LYZL4: variants seen among roughly 807,000 people sequenced by gnomAD.
LYZL4 encodes the protein lysozyme like 4.
A neutral mutation model predicts 17.6 loss-of-function variants in LYZL4; 13 were observed. The observed-to-expected ratio is 0.74, with a 90% CI of 0.48 to 1.18. The LOEUF is 1.18. LYZL4 is among the 50% of genes most tolerant of loss of function. LYZL4 has a pLI of 0.00. For synonymous variants in LYZL4, 64 were observed against 67.7 expected (o/e 0.95, Z 0.27); for missense variants, 174 against 188.2 (o/e 0.92, Z 0.44).
downstream of LYZL4, among the ~76,000 whole-genome samples, chr3:42,394,871 T>C (rs539308462): frequency 2.0e-5 from 3 of 152,316 alleles, no homozygotes; most frequent in East Asian, 5.8e-4. Flanking sequence ...GAGGAGATAG[T>C]GTTTTCATCA....
the LYZL4 span, among the ~76,000 whole-genome samples, chr3:42,367,077 A>C: frequency 6.6e-6 from 1 of 152,216 alleles, no homozygotes; most frequent in Non-Finnish European, 1.5e-5. Context: ...CATGGGGATC[A>C]GCTCCTTCTA....
At chr3:42,391,715 G>A in the LYZL4 span, among the ~76,000 whole-genome samples, 1 of 152,120 alleles carries the variant, frequency 6.6e-6, no homozygotes, top group Admixed American at 6.5e-5. Flanking sequence ...GAGAGAGATT[G>A]TTTTAAGTGG....
Position 42,410,597 on chromosome 3 carries a change from T to C in LYZL4, c.-273A>G, listed in dbSNP as rs1220395126. On this transcript the variant is annotated 5_prime_UTR_variant, in exon 1 of 5. The change abolishes an upstream ATG in the 5' untranslated region. Transcript: ENST00000287748. ...CTTGTCTGCACCCAAGAGTTCTCCA[T>C]GACATGCTCTTCTAGAATCCTTTCT... 1 of 152,232 alleles carries C rather than the reference T, an allele frequency of 6.6e-6. No individual in the cohort carries two copies. The highest frequency in any genetic ancestry group is 1.5e-5 in the Non-Finnish European group (1 of 68,036). 9.4% of individuals were successfully genotyped at this position (152,232 alleles called of 1,614,324 possible). A position where few individuals can be genotyped will look rare whatever the true frequency, so the allele number is the denominator to read the frequency against.
the LYZL4 span, among the ~76,000 whole-genome samples, chr3:42,378,209 C>T: frequency 6.6e-6 from 1 of 152,142 alleles, no homozygotes; most frequent in Non-Finnish European, 1.5e-5. Context: ...TTCCCATCTC[C>T]CCTAGTTTCT....
the LYZL4 span, among the ~76,000 whole-genome samples, chr3:42,386,963 A>G: frequency 3.3e-5 from 5 of 152,144 alleles, no homozygotes; most frequent in Non-Finnish European, 4.4e-5. Flanking sequence ...ATATGTTTAA[A>G]ATTTTCCATA....
chr3:42,380,606 G>T, the LYZL4 span, among the ~76,000 whole-genome samples: 5 of 152,164 alleles, frequency 3.3e-5, no homozygotes, highest in South Asian at 8.3e-4. Flanking sequence ...CTAGGGTGGG[G>T]CCCGGAGACC....
the LYZL4 span, among the ~76,000 whole-genome samples, chr3:42,363,616 A>T: frequency 6.6e-6 from 1 of 152,188 alleles, no homozygotes; most frequent in Non-Finnish European, 1.5e-5. Context: ...ATCAAGCATC[A>T]ATCCCACATT....
the LYZL4 span, among the ~76,000 whole-genome samples, chr3:42,364,943 G>A: frequency 6.6e-6 from 1 of 152,138 alleles, no homozygotes; most frequent in South Asian, 2.1e-4. Context: ...GCCTTGTCTT[G>A]TATGTGAGAG....
chr3:42,386,547 C>A, the LYZL4 span, among the ~76,000 whole-genome samples: 2 of 152,018 alleles, frequency 1.3e-5, no homozygotes, highest in African/African-American at 4.8e-5. Flanking sequence ...TCACATATTT[C>A]CAGGTTTGGG....
intron 4 of LYZL4, among the ~76,000 whole-genome samples, chr3:42,398,850 G>A (rs1473693485): frequency 6.6e-6 from 1 of 152,112 alleles, no homozygotes; most frequent in Non-Finnish European, 1.5e-5. Context: ...CAAGGGATTT[G>A]ATTCTGTGAA....
chr3:42,386,349 C>T, the LYZL4 span, among the ~76,000 whole-genome samples: 5 of 151,252 alleles, frequency 3.3e-5, no homozygotes, highest in South Asian at 2.1e-4. Context: ...GTGATCTGCC[C>T]GCCTCAGCCT....
intron 4 of LYZL4, among the ~76,000 whole-genome samples, chr3:42,398,397 A>C (rs1320327728): frequency 6.6e-6 from 1 of 152,214 alleles, no homozygotes; most frequent in Non-Finnish European, 1.5e-5. Context: ...TTAGTTCATT[A>C]GGGCTTACTC....
At position 42,407,293 on chromosome 3, in the gene LYZL4, T is replaced by C; in HGVS notation, c.-42A>G. 6 of 1,612,328 alleles carry C rather than the reference T, an allele frequency of 3.7e-6. No individual in the cohort carries two copies. Among genetic ancestry groups the C allele is most frequent in the South Asian group, 2.2e-5 (2 of 90,888 alleles). On this transcript the variant is annotated 5_prime_UTR_variant, in exon 2 of 5. Transcript: ENST00000287748. Reference sequence around the variant, plus strand: ...GCAGGTCAGGGCAACGGTGGCCAGATGAGTGGGTGGAGTCACAGGGACACT... The same window carrying C: ...GCAGGTCAGGGCAACGGTGGCCAGACGAGTGGGTGGAGTCACAGGGACACT...
the LYZL4 span, among the ~76,000 whole-genome samples, chr3:42,363,778 C>T: frequency 6.6e-6 from 1 of 152,112 alleles, no homozygotes; most frequent in African/African-American, 2.4e-5. Context: ...TTGATTCAAG[C>T]AAGAAGTATT....
At chr3:42,362,025 C>T in the LYZL4 span, among the ~76,000 whole-genome samples, 2 of 152,120 alleles carry the variant, frequency 1.3e-5, no homozygotes, top group African/African-American at 4.8e-5. Flanking sequence ...ACATTAGGAA[C>T]ATGTCACAAG....
At chr3:42,404,652 G>T (rs953778994) in intron 3 of LYZL4, among the ~76,000 whole-genome samples, 2 of 152,118 alleles carry the variant, frequency 1.3e-5, no homozygotes, top group Non-Finnish European at 2.9e-5. Context: ...TGGAGAGATA[G>T]AGATATAGAT....
intron 4 of LYZL4, among the ~76,000 whole-genome samples, chr3:42,398,730 T>G (rs943019300): frequency 2.6e-5 from 4 of 152,176 alleles, no homozygotes; most frequent in Non-Finnish European, 5.9e-5. Context: ...AGGGCTTAAT[T>G]TGTGTGTGTG....
chr3:42,403,761 A>G (rs755445902), intron 4 of LYZL4, among the ~76,000 whole-genome samples: 27 of 152,240 alleles, frequency 1.8e-4, no homozygotes, highest in Admixed American at 2.6e-4. Flanking sequence ...ATCAGAGATT[A>G]TCATAATAAA....
the LYZL4 span, among the ~76,000 whole-genome samples, chr3:42,382,856 A>C: frequency 6.6e-6 from 1 of 152,090 alleles, no homozygotes; most frequent in African/African-American, 2.4e-5. Flanking sequence ...CTGCTGTAGC[A>C]GACCCTAGAA....
Sources: gnomAD v4.1 joint callset for allele counts (sites outside exome capture counted in the v4.1 genomes callset) on GRCh38, gnomAD v4.1.1 for gene constraint, MANE v1.5 for transcripts, NCBI Gene and HGNC (gene_info 2026-07-23, HGNC 2026-07-21) for gene names.